SLC6A11: variants seen among roughly 807,000 people sequenced by gnomAD.
SLC6A11 encodes solute carrier family 6 member 11.
A neutral mutation model predicts 74.8 loss-of-function variants in SLC6A11; 25 were observed. The ratio of observed to expected loss-of-function variants is 0.33; its 90% confidence interval spans 0.24 to 0.47. The LOEUF (loss-of-function observed/expected upper bound fraction) is 0.47. SLC6A11 is among the 20% of genes least tolerant of loss of function. The pLI, the probability that SLC6A11 is intolerant of heterozygous loss-of-function variation, is 1.00. For missense variants in SLC6A11, 574 were observed against 837.0 expected, an observed-to-expected ratio of 0.69 and a Z score of 3.88; for synonymous variants, 330 against 330.2, an observed-to-expected ratio of 1.00 and a Z score of 0.01.
chr3:10,910,921 A>T (rs549657973), intron 6 of SLC6A11, among the ~76,000 whole-genome samples: 34 of 149,278 alleles, frequency 2.3e-4, no homozygotes, highest in Non-Finnish European at 4.7e-4. Context: ...CTCCCAGTTC[A>T]AGCAATTCTC....
chr3:10,910,348 T>C (rs1695370198), intron 6 of SLC6A11, among the ~76,000 whole-genome samples: 1 of 152,176 alleles, frequency 6.6e-6, no homozygotes, highest in Non-Finnish European at 1.5e-5. Flanking sequence ...GAAAGAGTTC[T>C]GGGGTCCAGT....
intron 5 of SLC6A11, among the ~76,000 whole-genome samples, chr3:10,862,205 A>G (rs1451639650): frequency 2.0e-5 from 3 of 152,120 alleles, no homozygotes; most frequent in Admixed American, 1.3e-4. Flanking sequence ...AGAGAGATGG[A>G]TGGGGTTTAA....
In SLC6A11 at chr3:10,816,965, C is replaced by G. The variant is rs1472820553; in HGVS notation, c.256+444C>G. Among the ~76,000 whole-genome samples the G allele has an allele frequency of 2.0e-5, 3 of 152,224 alleles. No homozygotes were observed. The East Asian group carries it at 5.8e-4, about 29-fold the overall frequency. ...TGCCGAGCACCTTTGACCATATCATCTCATCTCATCCTCTCAGTCACTTTC... is the reference window on the plus strand; with the variant it reads ...TGCCGAGCACCTTTGACCATATCATGTCATCTCATCCTCTCAGTCACTTTC... On this transcript the variant is annotated intron_variant, in intron 1 of 13. Coordinates refer to ENST00000254488, the MANE Select transcript of SLC6A11 (RefSeq NM_014229.3). This position sits in a 1 kb window ranked among gnomAD's most constrained non-coding sequence, Gnocchi z 4.2.
intron 6 of SLC6A11, among the ~76,000 whole-genome samples, chr3:10,881,709 A>T (rs1352724437): frequency 6.6e-6 from 1 of 152,206 alleles, no homozygotes; most frequent in Non-Finnish European, 1.5e-5. Context: ...ACAAGTGGGC[A>T]CGTGCAGGTC....
At chr3:10,830,490 C>G (rs1224497599) in intron 4 of SLC6A11, among the ~76,000 whole-genome samples, 1 of 152,190 alleles carries the variant, frequency 6.6e-6, no homozygotes, top group African/African-American at 2.4e-5. Context: ...AAGACTCACC[C>G]TTATGGAGCT....
In SLC6A11 at chr3:10,933,230, G is replaced by T; in HGVS notation, c.1451G>T (p.Cys484Phe). 6.2e-7 allele frequency: 1 copy of T among 1,613,822 alleles called. No individual in the cohort carries two copies. The highest frequency in any genetic ancestry group is 8.5e-7 in the Non-Finnish European group (1 of 1,179,766). Residue 484 changes from cysteine (C) to phenylalanine (F), a missense_variant, in exon 11 of 14, where the codon TGC (cysteine) becomes TTC (phenylalanine). Physicochemically the swap from Cys to Phe is radical, Grantham distance 205. Coordinates refer to ENST00000254488, the MANE Select transcript of SLC6A11 (RefSeq NM_014229.3). ...MCLLFVAIFE[C>F]ICIGWVYGSN... ...CTTCTCTTCGTGGCCATCTTTGAGTGCATCTGCATCGGCTGGGTGTATGGT... is the reference window on the plus strand; with the variant it reads ...CTTCTCTTCGTGGCCATCTTTGAGTTCATCTGCATCGGCTGGGTGTATGGT...
chr3:10,892,139 A>G (rs1471300190), intron 6 of SLC6A11, among the ~76,000 whole-genome samples: 2 of 152,176 alleles, frequency 1.3e-5, no homozygotes, highest in Non-Finnish European at 1.5e-5. Context: ...GGTCTTTGAT[A>G]CCTCTTAGTT....
At chr3:10,869,586 T>C (rs1172477065) in intron 5 of SLC6A11, among the ~76,000 whole-genome samples, 1 of 152,204 alleles carries the variant, frequency 6.6e-6, no homozygotes, top group Admixed American at 6.5e-5. Flanking sequence ...GCCTGGCACG[T>C]TCCCCAATAG....
At chr3:10,831,541 C>G (rs1694297784) in intron 4 of SLC6A11, among the ~76,000 whole-genome samples, 1 of 151,904 alleles carries the variant, frequency 6.6e-6, no homozygotes, top group South Asian at 2.1e-4. Flanking sequence ...GCCTTTATAA[C>G]CATAAACCAT....
intron 3 of SLC6A11, among the ~76,000 whole-genome samples, chr3:10,822,437 C>T (rs942051751): frequency 2.0e-5 from 3 of 152,206 alleles, no homozygotes; most frequent in Admixed American, 2.0e-4. Flanking sequence ...CAGTTCTATC[C>T]ACGCTGGCCA....
intron 6 of SLC6A11, among the ~76,000 whole-genome samples, chr3:10,879,743 G>A (rs938001254): frequency 1.3e-5 from 2 of 152,074 alleles, no homozygotes; most frequent in East Asian, 1.9e-4. Context: ...TATATGATAT[G>A]TATGATCTCA....
chr3:10,857,081 C>T (rs1343320807), intron 5 of SLC6A11, among the ~76,000 whole-genome samples: 3 of 152,206 alleles, frequency 2.0e-5, no homozygotes, highest in Non-Finnish European at 4.4e-5. Flanking sequence ...AGATTGGATT[C>T]ATTCACCTGA....
At chr3:10,844,109 G>A (rs910533958) in intron 4 of SLC6A11, 105 bp from the exon 5 acceptor site, 107 of 1,396,766 alleles carry the variant, frequency 7.7e-5, no homozygotes, top group Non-Finnish European at 9.6e-5. Context: ...CACGGTGGAC[G>A]TGGGTGAATG....
chr3:10,862,542 G>A (rs946230669), intron 5 of SLC6A11, among the ~76,000 whole-genome samples: 1 of 152,152 alleles, frequency 6.6e-6, no homozygotes, highest in South Asian at 2.1e-4. Context: ...TCTTGTCACC[G>A]TTGCACACAG....
chr3:10,873,684 C>A (rs1213398883), intron 5 of SLC6A11, among the ~76,000 whole-genome samples: 1 of 89,650 alleles, frequency 1.1e-5, no homozygotes, highest in Non-Finnish European at 2.3e-5. Context: ...TATCCTATCC[C>A]GTCCCATCCT....
intron 12 of SLC6A11, among the ~76,000 whole-genome samples, chr3:10,934,446 C>T (rs113458219): frequency 3.9e-5 from 6 of 152,192 alleles, no homozygotes; most frequent in South Asian, 2.1e-4. Flanking sequence ...GCGCTGGATC[C>T]GCCTCAGAGG....
Position 10,853,334 on chromosome 3 carries a change from T to C in SLC6A11, c.756+8988T>C, listed in dbSNP as rs760225616. ...TGACATGAGCCTGGGACTGGATGGC[T>C]AAGCCGCAGCTGGCATGCTGCAGGG... On this transcript the variant is annotated intron_variant, in intron 5 of 13. Coordinates refer to ENST00000254488, the MANE Select transcript of SLC6A11 (RefSeq NM_014229.3). Among the ~76,000 whole-genome samples the C allele has an allele frequency of 7.2e-4, 109 of 152,162 alleles. 2 individuals are homozygous for C. Among genetic ancestry groups the C allele is most frequent in the Non-Finnish European group, 6.9e-4 (47 of 68,024 alleles).
intron 5 of SLC6A11, among the ~76,000 whole-genome samples, chr3:10,860,947 G>A (rs1694696111): frequency 6.6e-6 from 1 of 152,180 alleles, no homozygotes; most frequent in South Asian, 2.1e-4. Flanking sequence ...AAATTCAAGA[G>A]ATACCACTGC....
At chr3:10,869,443 G>A (rs991872324) in intron 5 of SLC6A11, among the ~76,000 whole-genome samples, 1 of 152,234 alleles carries the variant, frequency 6.6e-6, no homozygotes, top group Admixed American at 6.5e-5. Flanking sequence ...TGGAGGGCAG[G>A]GCCCTGACTT....
Sources: gnomAD v4.1 joint callset for allele counts (sites outside exome capture counted in the v4.1 genomes callset) on GRCh38, gnomAD v4.1.1 for gene constraint, Gnocchi (gnomAD v3.1) non-coding constraint, MANE v1.5 for transcripts, NCBI Gene and HGNC (gene_info 2026-07-23, HGNC 2026-07-21) for gene names.